The following SLC25A33 variants were observed in gnomAD, a reference collection of about 807,000 sequenced individuals.
SLC25A33 encodes the protein solute carrier family 25 member 33, also known as bone marrow stromal cell mitochondrial carrier protein.
In SLC25A33, 15 loss-of-function variants were observed where a neutral mutation model predicts 35.5. That is an observed-to-expected ratio of 0.42 (90% CI 0.28 to 0.65). The LOEUF (loss-of-function observed/expected upper bound fraction) is 0.65. SLC25A33 is among the 30% of genes least tolerant of loss of function. The pLI is 0.20. For missense variants in SLC25A33, 257 were observed against 398.5 expected (o/e 0.64, Z 3.02); for synonymous variants, 136 against 148.7 (o/e 0.91, Z 0.62).
At chr1:9,550,095 C>CTTGA (rs1175448791) in intron 1 of SLC25A33, among the ~76,000 whole-genome samples, 1 of 134,944 alleles carries the variant, frequency 7.4e-6, no homozygotes, top group Non-Finnish European at 1.5e-5. Flanking sequence ...TCACTGCAGC[C>CTTGA]TTGACCTCCT....
At chr1:9,580,378 C>CATGCGGTTAGA in intron 6 of SLC25A33, 144 bp downstream of exon 6, 1 of 1,063,110 alleles carries the variant, frequency 9.4e-7, no homozygotes, top group Non-Finnish European at 1.4e-6. Flanking sequence ...CAGCTCTAAC[C>CATGCGGTTAGA]GCATGGACAG....
At chr1:9,563,182 C>T (rs1273890776) in intron 2 of SLC25A33, among the ~76,000 whole-genome samples, 1 of 152,042 alleles carries the variant, frequency 6.6e-6, no homozygotes, top group African/African-American at 2.4e-5. Context: ...CCTCGGCCTC[C>T]CAGAGTGTTG....
chr1:9,579,847 T>C, intron 5 of SLC25A33, 107 bp from the exon 6 acceptor site: 1 of 1,300,442 alleles, frequency 7.7e-7, no homozygotes, highest in Non-Finnish European at 1.1e-6. Flanking sequence ...AGGAAACAAG[T>C]ATCCTAACAC....
At chr1:9,576,317 C>G in intron 5 of SLC25A33, 1 of 313,088 alleles carries the variant, frequency 3.2e-6, no homozygotes, top group South Asian at 2.9e-5. Flanking sequence ...AAGAGTCACC[C>G]AGTACAGGTT....
chr1:9,582,444 C>T lies in SLC25A33; in HGVS notation c.909C>T (p.Ala303=), dbSNP rs747105054. 10 of 1,613,794 alleles carry T rather than the reference C, an allele frequency of 6.2e-6. No individual in the cohort carries two copies. In the Admixed American group the frequency reaches 6.7e-5, roughly 11 times the overall value. Residue 303 remains alanine, a synonymous_variant, in exon 7 of 7, where the codon GCC becomes GCT. Transcript: ENST00000302692. The surrounding 1 kb of genome is among the most constrained non-coding windows in gnomAD (Gnocchi z 4.0). ...AQLIRQIPNT[A]IVLSTYELIV... Reference sequence around the variant, plus strand: ...TTATCCGGCAGATCCCAAATACTGCCATTGTGTTGTCTACTTATGAGTTAA... The same window carrying T: ...TTATCCGGCAGATCCCAAATACTGCTATTGTGTTGTCTACTTATGAGTTAA...
chr1:9,569,743 G>A lies in SLC25A33; in HGVS notation c.315-515G>A, dbSNP rs557006750. Among the ~76,000 whole-genome samples the A allele has an allele frequency of 3.3e-5, 5 of 152,208 alleles. No individual in the cohort carries two copies. In the South Asian group the frequency reaches 6.2e-4, roughly 19 times the overall value. ...AAAGTGAAGAGAAAACAAGGGTGACGGGACCACTTTGCGGTAGTCAAGGCA... is the reference window on the plus strand; with the variant it reads ...AAAGTGAAGAGAAAACAAGGGTGACAGGACCACTTTGCGGTAGTCAAGGCA... On this transcript the variant is annotated intron_variant, in intron 3 of 6. Coordinates refer to ENST00000302692, the MANE Select transcript of SLC25A33 (RefSeq NM_032315.3).
At chr1:9,573,779 C>T (rs1643622303) in intron 5 of SLC25A33, among the ~76,000 whole-genome samples, 1 of 152,126 alleles carries the variant, frequency 6.6e-6, no homozygotes, top group South Asian at 2.1e-4. Context: ...ACAGTACAGG[C>T]ACAACACTGA....
intron 6 of SLC25A33, among the ~76,000 whole-genome samples, chr1:9,581,601 T>C (rs1569883674): frequency 6.6e-6 from 1 of 151,870 alleles, no homozygotes; most frequent in African/African-American, 2.4e-5. Flanking sequence ...TGGTGGCAGG[T>C]GCCTGTAATC....
At chr1:9,542,808 CTTTATT>C (rs1292376820) in intron 1 of SLC25A33, among the ~76,000 whole-genome samples, 2 of 152,194 alleles carry the variant, frequency 1.3e-5, no homozygotes, top group Admixed American at 6.5e-5. Flanking sequence ...ACAAGCATTT[CTTTATT>C]TTTATTTTTA....
chr1:9,553,326 G>A (rs1468615364), intron 1 of SLC25A33, among the ~76,000 whole-genome samples: 10 of 140,576 alleles, frequency 7.1e-5, no homozygotes, highest in Non-Finnish European at 9.1e-5. Context: ...CTGGGTTCAC[G>A]CCATTCTCCT....
At chr1:9,564,989 A>T (rs1220098667) in intron 2 of SLC25A33, among the ~76,000 whole-genome samples, 2 of 151,968 alleles carry the variant, frequency 1.3e-5, no homozygotes, top group African/African-American at 4.8e-5. Context: ...AACCTCAAAG[A>T]CTGAGTGAAA....
At chr1:9,542,604 C>G (rs963959534) in intron 1 of SLC25A33, among the ~76,000 whole-genome samples, 3 of 152,138 alleles carry the variant, frequency 2.0e-5, no homozygotes, top group Non-Finnish European at 2.9e-5. Context: ...TATGTGCTGC[C>G]TTGCTCCAAG....
intron 2 of SLC25A33, among the ~76,000 whole-genome samples, chr1:9,555,029 G>C (rs1328156269): frequency 6.6e-6 from 1 of 151,350 alleles, no homozygotes; most frequent in Non-Finnish European, 1.5e-5. Context: ...AAAGCTATCA[G>C]TGTAGAGATT....
intron 5 of SLC25A33, among the ~76,000 whole-genome samples, chr1:9,575,212 C>CAAAA (rs909942057): frequency 1.7e-5 from 1 of 58,724 alleles, no homozygotes; most frequent in Admixed American, 1.8e-4. Flanking sequence ...GACTCTGGCT[C>CAAAA]AAAAAAAAAA....
chr1:9,562,981 C>A (rs1301161018), intron 2 of SLC25A33, among the ~76,000 whole-genome samples: 2 of 147,314 alleles, frequency 1.4e-5, no homozygotes. Context: ...TGCAGTGGCG[C>A]AATCTCGGCT....
chr1:9,566,938 G>A (rs1260327875), intron 2 of SLC25A33, among the ~76,000 whole-genome samples: 1 of 151,908 alleles, frequency 6.6e-6, no homozygotes, highest in Non-Finnish European at 1.5e-5. Flanking sequence ...TGAGGCAGGA[G>A]AATTGCTAGA....
At chr1:9,573,135 A>T (rs1004119195) in intron 4 of SLC25A33, among the ~76,000 whole-genome samples, 2 of 152,134 alleles carry the variant, frequency 1.3e-5, no homozygotes, top group South Asian at 2.1e-4. Flanking sequence ...AATTAAGAGA[A>T]ATTTATTTTA....
rs1438137281 is a variant in SLC25A33 at position 9,578,651 on chromosome 1, TG to T, written c.483-1302del. Among the ~76,000 whole-genome samples, 1 of 152,236 alleles carries T rather than the reference TG, an allele frequency of 6.6e-6. No homozygotes were observed. The highest frequency in any genetic ancestry group is 1.5e-5 in the Non-Finnish European group (1 of 68,034). Reference sequence around the variant, plus strand: ...TTTTCTTTCTTATTATTTACTTTTTTGTAGAGATAGAGCCTCACTACATTGG... The same window carrying T: ...TTTTCTTTCTTATTATTTACTTTTTTTAGAGATAGAGCCTCACTACATTGG... On this transcript the variant is annotated intron_variant, in intron 5 of 6. Coordinates refer to ENST00000302692, the MANE Select transcript of SLC25A33 (RefSeq NM_032315.3). The surrounding 1 kb of genome is among the most constrained non-coding windows in gnomAD (Gnocchi z 4.3).
chr1:9,576,623 G>A (rs1370645044), intron 5 of SLC25A33: 12 of 592,814 alleles, frequency 2.0e-5, no homozygotes, highest in African/African-American at 1.1e-4. Flanking sequence ...GCTACCGTTC[G>A]AACTGTTGGT....
Sources: allele counts gnomAD v4.1 joint callset (sites outside exome capture counted in the v4.1 genomes callset), GRCh38; gene constraint gnomAD v4.1.1; non-coding constraint Gnocchi (gnomAD v3.1); transcripts MANE v1.5; gene names NCBI Gene and HGNC (gene_info 2026-07-23, HGNC 2026-07-21).